The following NR2F1-AS1 variants were observed in gnomAD, a reference collection of about 807,000 sequenced individuals.
NR2F1-AS1 encodes the protein NR2F1 antisense RNA 1.
intron 4 of NR2F1-AS1, among the ~76,000 whole-genome samples, chr5:93,518,077 G>A (rs1751433052): frequency 6.6e-6 from 1 of 152,086 alleles, no homozygotes; most frequent in Non-Finnish European, 1.5e-5. Context: ...CTAGAGGCAT[G>A]TGCCACTGTG....
chr5:93,527,945 T>G (rs964296612), intron 4 of NR2F1-AS1, among the ~76,000 whole-genome samples: 1 of 152,132 alleles, frequency 6.6e-6, no homozygotes, highest in Non-Finnish European at 1.5e-5. Flanking sequence ...GGGCAAAGAC[T>G]TCACGACTAA....
intron 4 of NR2F1-AS1, among the ~76,000 whole-genome samples, chr5:93,426,039 C>A (rs1318170235): frequency 6.6e-6 from 1 of 151,566 alleles, no homozygotes; most frequent in Non-Finnish European, 1.5e-5. Context: ...ATCCATCTCA[C>A]CTAATTTTTT....
intron 4 of NR2F1-AS1, among the ~76,000 whole-genome samples, chr5:93,422,891 T>C (rs1749117124): frequency 6.6e-6 from 1 of 152,028 alleles, no homozygotes; most frequent in Non-Finnish European, 1.5e-5. Flanking sequence ...GAGTTTAGAA[T>C]GGGAAAGGGA....
At chr5:93,566,396 C>T (rs183883460) in intron 1 of NR2F1-AS1, among the ~76,000 whole-genome samples, 3 of 152,090 alleles carry the variant, frequency 2.0e-5, no homozygotes, top group African/African-American at 7.2e-5. Flanking sequence ...CAACTAATTG[C>T]ATAAAAAGTA....
chr5:93,442,402 C>G (rs774671252), intron 4 of NR2F1-AS1, among the ~76,000 whole-genome samples: 8 of 152,190 alleles, frequency 5.3e-5, no homozygotes, highest in African/African-American at 1.9e-4. Flanking sequence ...TATCCTGCAC[C>G]TGGCTCGGAG....
chr5:93,463,457 T>C (rs1407039805), intron 4 of NR2F1-AS1, among the ~76,000 whole-genome samples: 6 of 152,120 alleles, frequency 3.9e-5, no homozygotes, highest in Non-Finnish European at 5.9e-5. Context: ...GGAAGGGAAA[T>C]GTGGGGTTGA....
intron 1 of NR2F1-AS1, among the ~76,000 whole-genome samples, chr5:93,578,919 A>G (rs1439891235): frequency 6.6e-6 from 1 of 152,166 alleles, no homozygotes; most frequent in East Asian, 1.9e-4. Context: ...AAGTGTGCCA[A>G]TTGGGACCAG....
chr5:93,495,538 T>C (rs1460936379), intron 4 of NR2F1-AS1, among the ~76,000 whole-genome samples: 1 of 152,044 alleles, frequency 6.6e-6, no homozygotes, highest in African/African-American at 2.4e-5. Context: ...AGATTTTTCA[T>C]CAAAAGACAA....
intron 2 of NR2F1-AS1, among the ~76,000 whole-genome samples, chr5:93,556,898 AAC>A (rs1752369599): frequency 6.6e-6 from 1 of 152,212 alleles, no homozygotes; most frequent in Non-Finnish European, 1.5e-5. Context: ...ATAGCAAAAT[AAC>A]ACAACTACTA....
At chr5:93,511,304 G>C (rs1751290575) in intron 4 of NR2F1-AS1, among the ~76,000 whole-genome samples, 1 of 152,116 alleles carries the variant, frequency 6.6e-6, no homozygotes, top group African/African-American at 2.4e-5. Context: ...CTGCCTGTTT[G>C]AGCTAGAACG....
chr5:93,432,891 T>A (rs1360569536), intron 4 of NR2F1-AS1, among the ~76,000 whole-genome samples: 1 of 152,224 alleles, frequency 6.6e-6, no homozygotes. Context: ...TTTATAACAG[T>A]ATATCACATT....
chr5:93,473,163 C>A (rs1233513580), intron 4 of NR2F1-AS1, among the ~76,000 whole-genome samples: 1 of 151,650 alleles, frequency 6.6e-6, no homozygotes, highest in Non-Finnish European at 1.5e-5. Context: ...AATCAAGGAA[C>A]AAATTGGGAA....
chr5:93,442,744 G>C (rs1277733176), intron 4 of NR2F1-AS1, among the ~76,000 whole-genome samples: 10 of 152,222 alleles, frequency 6.6e-5, no homozygotes, highest in Admixed American at 5.2e-4. Context: ...ACTGCCTCCT[G>C]AAGTGGGTCC....
intron 4 of NR2F1-AS1, among the ~76,000 whole-genome samples, chr5:93,524,661 T>C (rs1462660648): frequency 6.6e-6 from 1 of 152,154 alleles, no homozygotes; most frequent in Non-Finnish European, 1.5e-5. Context: ...CAGATCTCTC[T>C]GCAGAAACCC....
intron 1 of NR2F1-AS1, among the ~76,000 whole-genome samples, chr5:93,565,043 C>G (rs1259281685): frequency 6.6e-6 from 1 of 152,128 alleles, no homozygotes; most frequent in African/African-American, 2.4e-5. Context: ...TCTCTCCTCA[C>G]TCCTTCTTAA....
intron 4 of NR2F1-AS1, among the ~76,000 whole-genome samples, chr5:93,492,778 A>G (rs1051370203): frequency 6.6e-6 from 1 of 152,146 alleles, no homozygotes; most frequent in Non-Finnish European, 1.5e-5. Flanking sequence ...GGGATGGAGT[A>G]ACATATTACA....
At chr5:93,509,030 G>A (rs988548130) in intron 4 of NR2F1-AS1, among the ~76,000 whole-genome samples, 13 of 151,918 alleles carry the variant, frequency 8.6e-5, no homozygotes, top group African/African-American at 2.9e-4. Flanking sequence ...ACCTGGCAAA[G>A]GAACAAGGAT....
intron 4 of NR2F1-AS1, among the ~76,000 whole-genome samples, chr5:93,418,562 G>T (rs568366184): frequency 1.3e-5 from 2 of 151,812 alleles, no homozygotes; most frequent in East Asian, 3.9e-4. Flanking sequence ...GTCCAGCCTG[G>T]CAAAAGAGCG....
At position 93,579,260 on chromosome 5, in the gene NR2F1-AS1, G is replaced by A. The variant is rs1165399472; in HGVS notation, n.313+1207C>T. On this transcript the variant is annotated intron_variant and non_coding_transcript_variant, in intron 1 of 5. Transcript: ENST00000660523. This position sits in a 1 kb window ranked among gnomAD's most constrained non-coding sequence, Gnocchi z 5.1. ...CTCCTCCGAAAAGCCGCGGGCTTCC[G>A]CTGCTCCGGGCATCACCACCAACAG... Among the ~76,000 whole-genome samples the A allele has an allele frequency of 1.3e-5, 2 of 152,090 alleles. No individual in the cohort carries two copies. The highest frequency in any genetic ancestry group is 2.4e-5 in the African/African-American group (1 of 41,420).
Sources: gnomAD v4.1 joint callset for allele counts (sites outside exome capture counted in the v4.1 genomes callset) on GRCh38, gnomAD v4.1.1 for gene constraint, Gnocchi (gnomAD v3.1) non-coding constraint, MANE v1.5 for transcripts, NCBI Gene and HGNC (gene_info 2026-07-23, HGNC 2026-07-21) for gene names.